Variants in NR2C1 observed in about 807,000 individuals in gnomAD.
NR2C1 encodes the protein TR2 nuclear hormone receptor.
NR2C1 carries 33 observed loss-of-function variants against 74.8 expected under a neutral mutation model. That is an observed-to-expected ratio of 0.44 (90% CI 0.33 to 0.59). The LOEUF (loss-of-function observed/expected upper bound fraction) is 0.59. NR2C1 is among the 20% of genes least tolerant of loss of function. The pLI is 0.02. For missense variants in NR2C1, 568 were observed against 715.6 expected, an observed-to-expected ratio of 0.79 and a Z score of 2.35; for synonymous variants, 225 against 240.6, an observed-to-expected ratio of 0.94 and a Z score of 0.60.
chr12:95,039,768 A>AC (rs967364067), intron 10 of NR2C1, among the ~76,000 whole-genome samples: 3 of 152,324 alleles, frequency 2.0e-5, no homozygotes, highest in African/African-American at 7.2e-5. Flanking sequence ...AGTAGCTGGA[A>AC]CTACTAGTGT....
At chr12:95,046,973 A>G (rs1274234918) in intron 9 of NR2C1, among the ~76,000 whole-genome samples, 2 of 152,214 alleles carry the variant, frequency 1.3e-5, no homozygotes, top group African/African-American at 4.8e-5. Flanking sequence ...TGGGAATGAC[A>G]AAAGCCAATC....
intron 9 of NR2C1, 91 bp from the exon 10 acceptor site, chr12:95,040,688 A>G: frequency 8.5e-7 from 1 of 1,173,022 alleles, no homozygotes; most frequent in South Asian, 1.8e-5. Flanking sequence ...TAACACATCA[A>G]ATGAGAGCTA....
chr12:95,032,040 G>A (rs1394471140), intron 10 of NR2C1, among the ~76,000 whole-genome samples: 3 of 152,064 alleles, frequency 2.0e-5, no homozygotes, highest in African/African-American at 4.8e-5. Context: ...GCTAATTTTT[G>A]TATTTTTAGT....
At chr12:95,028,186 A>G (rs1377147035) in intron 12 of NR2C1, 3 of 507,390 alleles carry the variant, frequency 5.9e-6, no homozygotes, top group Non-Finnish European at 1.0e-5. Context: ...GCATAGATAT[A>G]TATTTTTCAT....
chr12:95,046,171 G>T (rs1872286242), intron 9 of NR2C1, among the ~76,000 whole-genome samples: 1 of 152,068 alleles, frequency 6.6e-6, no homozygotes, highest in Non-Finnish European at 1.5e-5. Flanking sequence ...TACTGCCCTT[G>T]ATTTTTCAAA....
At chr12:95,032,706 G>A (rs1247284108) in intron 10 of NR2C1, among the ~76,000 whole-genome samples, 2 of 152,040 alleles carry the variant, frequency 1.3e-5, no homozygotes, top group African/African-American at 4.8e-5. Context: ...AGTAGCTCAC[G>A]TCTGTAATCC....
At chr12:95,034,141 C>G (rs990999648) in intron 10 of NR2C1, among the ~76,000 whole-genome samples, 1 of 152,062 alleles carries the variant, frequency 6.6e-6, no homozygotes, top group African/African-American at 2.4e-5. Context: ...AATAATCGAA[C>G]ATACTTGCAA....
intron 11 of NR2C1, chr12:95,030,968 A>T: frequency 9.8e-7 from 1 of 1,016,614 alleles, no homozygotes; most frequent in Non-Finnish European, 1.5e-6. Context: ...TACAAAATCA[A>T]CCTATCTTAG....
At chr12:95,033,539 T>C (rs1014286283) in intron 10 of NR2C1, among the ~76,000 whole-genome samples, 2 of 152,222 alleles carry the variant, frequency 1.3e-5, no homozygotes, top group African/African-American at 4.8e-5. Flanking sequence ...ACAATAGATA[T>C]TCAATAAAAA....
chr12:95,051,759 T>G lies in NR2C1; in HGVS notation c.965+3A>C. On this transcript the variant is annotated splice_donor_region_variant and intron_variant, in intron 8 of 13. Coordinates refer to ENST00000333003, the MANE Select transcript of NR2C1 (RefSeq NM_003297.4). ...GGACATTGATAATCAAAAGATACCTTACCTTGAAACATCACCGTTGGTCTG... is the reference window on the plus strand; with the variant it reads ...GGACATTGATAATCAAAAGATACCTGACCTTGAAACATCACCGTTGGTCTG... 6.3e-7 allele frequency: 1 copy of G among 1,594,276 alleles called. No homozygotes were observed. The highest frequency in any genetic ancestry group is 8.5e-7 in the Non-Finnish European group (1 of 1,174,798).
rs560603782 is a variant in NR2C1, at chr12:95,044,360, C to T, written c.1132-3763G>A. ...TTGGCTCACTGCAACCTCCGCCTCC[C>T]GGGTTCAAGCAATTCTCCTGCCTGA... On this transcript the variant is annotated intron_variant, in intron 9 of 13. Coordinates refer to ENST00000333003, the MANE Select transcript of NR2C1 (RefSeq NM_003297.4). Among the ~76,000 whole-genome samples, 9 of 151,948 alleles carry T rather than the reference C, an allele frequency of 5.9e-5. No individual in the cohort carries two copies. The East Asian group carries it at 1.2e-3, about 20-fold the overall frequency.
At chr12:95,026,743 T>C (rs1223890900) in intron 12 of NR2C1, 1 of 152,300 alleles carries the variant, frequency 6.6e-6, no homozygotes, top group Admixed American at 6.5e-5. Context: ...AATTTTATTA[T>C]GATGCACAAG....
At chr12:95,054,085 A>C (rs1456896020) in intron 7 of NR2C1, among the ~76,000 whole-genome samples, 1 of 152,212 alleles carries the variant, frequency 6.6e-6, no homozygotes, top group Non-Finnish European at 1.5e-5. Flanking sequence ...AGTAGAATAA[A>C]ATAATTTTTG....
At position 95,060,002 on chromosome 12, in the gene NR2C1, A is replaced by G. The variant is rs767124132; in HGVS notation, c.286-18T>C. On this transcript the variant is annotated intron_variant, in intron 3 of 13. Coordinates refer to ENST00000333003, the MANE Select transcript of NR2C1 (RefSeq NM_003297.4). ...GTTAGGAGCTAAAAAAAAAAAAAAA[A>G]AAAAAGAAAACAAAAACGAAAACCT... The G allele has an allele frequency of 2.0e-5, 31 of 1,545,424 alleles. No individual in the cohort carries two copies. Among genetic ancestry groups the G allele is most frequent in the African/African-American group, 9.8e-5 (7 of 71,480 alleles).
intron 13 of NR2C1, among the ~76,000 whole-genome samples, chr12:95,024,158 A>G (rs538909651): frequency 1.2e-3 from 187 of 152,298 alleles, no homozygotes; most frequent in Non-Finnish European, 2.2e-3. Flanking sequence ...AATATATGTA[A>G]AAAAATTATT....
At chr12:95,067,939 G>C (rs758225554) in intron 1 of NR2C1, among the ~76,000 whole-genome samples, 4 of 144,358 alleles carry the variant, frequency 2.8e-5, no homozygotes, top group Non-Finnish European at 6.0e-5. Flanking sequence ...GGAGTGCAGT[G>C]GCATGATCTT....
intron 7 of NR2C1, among the ~76,000 whole-genome samples, chr12:95,054,300 C>CTTT (rs546713451): frequency 6.3e-5 from 9 of 142,208 alleles, no homozygotes; most frequent in African/African-American, 2.3e-4. Context: ...AAAGTCTATG[C>CTTT]TTTTTTTTTT....
intron 13 of NR2C1, among the ~76,000 whole-genome samples, chr12:95,024,936 T>C (rs1869169527): frequency 6.6e-6 from 1 of 152,228 alleles, no homozygotes; most frequent in African/African-American, 2.4e-5. Flanking sequence ...AACCTCTCTG[T>C]GCTGAAGTCT....
chr12:95,070,368 G>A (rs899808160), intron 1 of NR2C1, among the ~76,000 whole-genome samples: 6 of 152,112 alleles, frequency 3.9e-5, no homozygotes, highest in African/African-American at 1.4e-4. Context: ...TTGATCTCAA[G>A]TGATCCGCCC....
Sources: gnomAD v4.1 joint callset for allele counts (sites outside exome capture counted in the v4.1 genomes callset) on GRCh38, gnomAD v4.1.1 for gene constraint, MANE v1.5 for transcripts, NCBI Gene and HGNC (gene_info 2026-07-23, HGNC 2026-07-21) for gene names.